MYO9A: variants seen among roughly 807,000 people sequenced by gnomAD.
The protein encoded by MYO9A is unconventional myosin-IXa.
A neutral mutation model predicts 293.3 loss-of-function variants in MYO9A; 103 were observed. That is an observed-to-expected ratio of 0.35 (90% CI 0.30 to 0.41). The LOEUF (loss-of-function observed/expected upper bound fraction) is 0.41, where lower values mean the gene tolerates loss of function less well. Among genes scored for constraint, MYO9A ranks in the 10% least tolerant of loss-of-function variants. The pLI is 1.00. For missense variants in MYO9A, 2,685 were observed against 3,033.0 expected, an observed-to-expected ratio of 0.89 and a Z score of 2.69; for synonymous variants, 1,001 against 1,035.7, an observed-to-expected ratio of 0.97 and a Z score of 0.64.
chr15:72,103,388 C>CA (rs1304678456), intron 1 of MYO9A, among the ~76,000 whole-genome samples: 2 of 140,408 alleles, frequency 1.4e-5, no homozygotes, highest in African/African-American at 5.5e-5. Flanking sequence ...GAAGCAGCAG[C>CA]AGCAGAAGCA....
chr15:72,021,509 G>A (rs1223784624), intron 4 of MYO9A, among the ~76,000 whole-genome samples: 1 of 152,190 alleles, frequency 6.6e-6, no homozygotes, highest in Non-Finnish European at 1.5e-5. Context: ...GTTTGAGCTT[G>A]TTCAAAGCCT....
intron 9 of MYO9A, among the ~76,000 whole-genome samples, chr15:71,996,333 C>T (rs1286898117): frequency 6.6e-6 from 1 of 152,130 alleles, no homozygotes; most frequent in Non-Finnish European, 1.5e-5. Context: ...TAAAGTCTAA[C>T]TACAGTATTT....
At chr15:72,082,164 AATGTT>A (rs2079566221) in intron 1 of MYO9A, among the ~76,000 whole-genome samples, 2 of 152,072 alleles carry the variant, frequency 1.3e-5, no homozygotes, top group Admixed American at 1.3e-4. Flanking sequence ...ATGAATGTGG[AATGTT>A]TTTCTATTAG....
At chr15:72,052,477 G>A (rs2078595026) in intron 1 of MYO9A, among the ~76,000 whole-genome samples, 1 of 152,222 alleles carries the variant, frequency 6.6e-6, no homozygotes, top group South Asian at 2.1e-4. Context: ...GACTAAAAGA[G>A]CTATAACACA....
intron 1 of MYO9A, among the ~76,000 whole-genome samples, chr15:72,101,652 G>C (rs1223198528): frequency 6.7e-5 from 6 of 89,416 alleles, no homozygotes; most frequent in South Asian, 3.9e-4. Context: ...GGGGGGTCAG[G>C]CCCCGCCCGG....
At chr15:71,939,775 A>G (rs1306153707) in intron 15 of MYO9A, among the ~76,000 whole-genome samples, 1 of 152,246 alleles carries the variant, frequency 6.6e-6, no homozygotes, top group East Asian at 1.9e-4. Flanking sequence ...ATCAATTTTT[A>G]TAACACACAA....
At chr15:71,957,188 G>A (rs1374601243) in intron 14 of MYO9A, among the ~76,000 whole-genome samples, 1 of 152,112 alleles carries the variant, frequency 6.6e-6, no homozygotes, top group Non-Finnish European at 1.5e-5. Context: ...GGCTACATCA[G>A]TAGTATACAA....
chr15:71,942,788 C>G (rs1475848730), intron 15 of MYO9A, among the ~76,000 whole-genome samples: 1 of 151,920 alleles, frequency 6.6e-6, no homozygotes, highest in African/African-American at 2.4e-5. Context: ...GTTTCTTTTC[C>G]TTCATCAAGC....
intron 32 of MYO9A, among the ~76,000 whole-genome samples, chr15:71,873,016 G>A (rs1430865816): frequency 5.3e-5 from 8 of 151,810 alleles, no homozygotes; most frequent in African/African-American, 1.9e-4. Context: ...AGGTTCAAGC[G>A]ATTCTCCTGC....
At chr15:71,953,686 T>C (rs1461364984) in intron 14 of MYO9A, 1 of 152,194 alleles carries the variant, frequency 6.6e-6, no homozygotes, top group Non-Finnish European at 1.5e-5. Flanking sequence ...TCCTGTTCTT[T>C]CATTCTGCTT....
chr15:72,037,154 C>G (rs976766622), intron 2 of MYO9A, among the ~76,000 whole-genome samples: 1 of 151,334 alleles, frequency 6.6e-6, no homozygotes, highest in African/African-American at 2.4e-5. Flanking sequence ...AGCCTCTTCA[C>G]ACTCCCCACT....
At chr15:72,099,394 T>G (rs2150805258) in intron 1 of MYO9A, among the ~76,000 whole-genome samples, 1 of 127,566 alleles carries the variant, frequency 7.8e-6, no homozygotes, top group East Asian at 2.2e-4. Context: ...TGAGCCGAGA[T>G]GCTGGGCAAT....
chr15:72,015,603 A>T (rs2077307807), intron 6 of MYO9A, among the ~76,000 whole-genome samples: 2 of 151,810 alleles, frequency 1.3e-5, no homozygotes, highest in Non-Finnish European at 2.9e-5. Context: ...TAATAGTTGG[A>T]CCCTAAAATT....
At chr15:71,983,987 T>C (rs1030885119) in intron 11 of MYO9A, among the ~76,000 whole-genome samples, 6 of 152,214 alleles carry the variant, frequency 3.9e-5, no homozygotes, top group African/African-American at 1.2e-4. Context: ...CTATTTCCAC[T>C]GAAAGGCTGA....
chr15:71,866,463 G>C (rs922312330), intron 32 of MYO9A, among the ~76,000 whole-genome samples: 48 of 152,064 alleles, frequency 3.2e-4, no homozygotes, highest in Admixed American at 2.2e-3. Flanking sequence ...TCAGGAGTTT[G>C]AGGTTGGTCT....
chr15:71,916,287 G>A, intron 19 of MYO9A, 83 bp downstream of exon 19: 1 of 1,454,752 alleles, frequency 6.9e-7, no homozygotes, highest in Admixed American at 2.3e-5. Flanking sequence ...TCCCATTCAA[G>A]TACCCTGCAG....
At chr15:71,838,612 T>A (rs1322726453) in intron 39 of MYO9A, among the ~76,000 whole-genome samples, 1 of 152,326 alleles carries the variant, frequency 6.6e-6, no homozygotes, top group East Asian at 1.9e-4. Flanking sequence ...GAACTGTTGA[T>A]AAGTAGTAGG....
At chr15:72,118,268 G>GC (rs1404216977), upstream of MYO9A, 1 of 296,582 alleles carries the variant, frequency 3.4e-6, no homozygotes, top group East Asian at 5.6e-5. Context: ...CCTTTCCTAC[G>GC]CCCCAGGCGG....
chr15:71,947,592 T>C (rs2058949393), intron 15 of MYO9A, among the ~76,000 whole-genome samples: 1 of 152,228 alleles, frequency 6.6e-6, no homozygotes, highest in Non-Finnish European at 1.5e-5. Context: ...TTCCCAGATA[T>C]ATCTGTTAAT....
Sources: allele counts gnomAD v4.1 joint callset (sites outside exome capture counted in the v4.1 genomes callset), GRCh38; gene constraint gnomAD v4.1.1; transcripts MANE v1.5; gene names NCBI Gene and HGNC (gene_info 2026-07-23, HGNC 2026-07-21).